ZNF569: variants seen among roughly 807,000 people sequenced by gnomAD.
ZNF569 encodes DNA-binding protein.
A neutral mutation model predicts 56.3 loss-of-function variants in ZNF569; 38 were observed. The ratio of observed to expected loss-of-function variants is 0.68; its 90% CI spans 0.52 to 0.88. ZNF569 has a LOEUF of 0.88. ZNF569 is among the 40% of genes least tolerant of loss of function. The pLI is 0.00. For synonymous variants in ZNF569, 241 were observed against 262.9 expected (o/e 0.92, Z 0.81); for missense variants, 666 against 809.2 (o/e 0.82, Z 2.15).
At chr19:37,423,649 CAT>C (rs1301227782) in intron 5 of ZNF569, among the ~76,000 whole-genome samples, 3 of 152,096 alleles carry the variant, frequency 2.0e-5, no homozygotes, top group African/African-American at 7.2e-5. Context: ...ACAAGAAAAA[CAT>C]ATGACAGATG....
Position 37,418,413 on chromosome 19 carries a change from T to C in ZNF569, c.239-3994A>G, listed in dbSNP as rs2040973220. On this transcript the variant is annotated intron_variant, in intron 5 of 5. Transcript: ENST00000316950. ...GATTCTATCCAAAAGTGCACAAATA[T>C]GGTATCATTTAAAAGGCATAAACCA... Among the ~76,000 whole-genome samples, 3 of 152,110 alleles carry C rather than the reference T, an allele frequency of 2.0e-5. No homozygotes were observed. The East Asian group carries it at 5.8e-4, about 29-fold the overall frequency.
At chr19:37,433,558 C>G (rs1424407302) in intron 3 of ZNF569, among the ~76,000 whole-genome samples, 2 of 152,116 alleles carry the variant, frequency 1.3e-5, no homozygotes, top group African/African-American at 4.8e-5. Flanking sequence ...ACTTAATAAT[C>G]AAACTCCTAA....
At chr19:37,448,784 C>A (rs2041543631) in intron 2 of ZNF569, among the ~76,000 whole-genome samples, 1 of 151,910 alleles carries the variant, frequency 6.6e-6, no homozygotes, top group Non-Finnish European at 1.5e-5. Flanking sequence ...AGGATGGTCT[C>A]GATCTCCTGA....
intron 5 of ZNF569, among the ~76,000 whole-genome samples, chr19:37,416,447 A>G (rs1341665973): frequency 1.3e-5 from 2 of 152,138 alleles, no homozygotes; most frequent in Admixed American, 6.5e-5. Flanking sequence ...CTCATTATCT[A>G]TTGGGGACTG....
At chr19:37,423,475 TGA>T (rs1194225202) in intron 5 of ZNF569, among the ~76,000 whole-genome samples, 1 of 152,168 alleles carries the variant, frequency 6.6e-6, no homozygotes, top group African/African-American at 2.4e-5. Flanking sequence ...CATAAGAGGA[TGA>T]GTCATTATTG....
intron 3 of ZNF569, among the ~76,000 whole-genome samples, chr19:37,433,644 T>C (rs1407995885): frequency 6.6e-6 from 1 of 152,170 alleles, no homozygotes; most frequent in Non-Finnish European, 1.5e-5. Flanking sequence ...AGCTCCAATA[T>C]GTCTGGCAGC....
At chr19:37,434,684 A>T (rs1203554858) in intron 3 of ZNF569, among the ~76,000 whole-genome samples, 1 of 152,230 alleles carries the variant, frequency 6.6e-6, no homozygotes, top group East Asian at 1.9e-4. Flanking sequence ...AAAGAAGTGA[A>T]AATAGCCTTA....
intron 2 of ZNF569, among the ~76,000 whole-genome samples, chr19:37,461,932 C>T (rs751730617): frequency 4.6e-5 from 7 of 152,200 alleles, no homozygotes; most frequent in Non-Finnish European, 8.8e-5. Context: ...CACAGCTACA[C>T]AGAATAGGCT....
chr19:37,426,572 G>A (rs2041137142), intron 3 of ZNF569, among the ~76,000 whole-genome samples, 194 bp from the exon 4 acceptor site: 1 of 152,162 alleles, frequency 6.6e-6, no homozygotes, highest in Non-Finnish European at 1.5e-5. Flanking sequence ...TTAAAGGGGA[G>A]ATTTTAGGTA....
At chr19:37,459,249 C>T (rs935128024) in intron 2 of ZNF569, among the ~76,000 whole-genome samples, 1 of 151,394 alleles carries the variant, frequency 6.6e-6, no homozygotes, top group South Asian at 2.1e-4. Flanking sequence ...AAAAACCACA[C>T]GTGTATATCA....
At chr19:37,461,191 ATATCGCCATTT>A (rs2041751299) in intron 2 of ZNF569, among the ~76,000 whole-genome samples, 3 of 152,164 alleles carry the variant, frequency 2.0e-5, no homozygotes, top group Non-Finnish European at 2.9e-5. Context: ...CAGAATTAGA[ATATCGCCATTT>A]TGTAGCCCTT....
At chr19:37,434,286 C>T (rs1185431608) in intron 3 of ZNF569, among the ~76,000 whole-genome samples, 30 of 140,966 alleles carry the variant, frequency 2.1e-4, no homozygotes, top group Non-Finnish European at 4.1e-4. Flanking sequence ...GTGACAAGAG[C>T]GAGACTCTGT....
chr19:37,444,398 TA>T (rs1218694105), intron 3 of ZNF569, among the ~76,000 whole-genome samples: 1 of 152,234 alleles, frequency 6.6e-6, no homozygotes, highest in Non-Finnish European at 1.5e-5. Flanking sequence ...TTTTTATTGT[TA>T]AGTAGTATTT....
upstream of ZNF569, chr19:37,468,014 TG>T: frequency 7.5e-7 from 1 of 1,330,494 alleles, no homozygotes; most frequent in Non-Finnish European, 1.0e-6. Flanking sequence ...TAAACAGACT[TG>T]GCCTTACTAG....
At chr19:37,454,908 T>A (rs2041649827) in intron 2 of ZNF569, 1 of 701,456 alleles carries the variant, frequency 1.4e-6, no homozygotes. Context: ...GCTGGCATCT[T>A]TCTTTCCCCA....
chr19:37,421,576 A>G (rs2041036155), intron 5 of ZNF569, among the ~76,000 whole-genome samples: 1 of 152,034 alleles, frequency 6.6e-6, no homozygotes, highest in Non-Finnish European at 1.5e-5. Flanking sequence ...CTAAGCCTTC[A>G]TAGAATTGAA....
intron 3 of ZNF569, among the ~76,000 whole-genome samples, chr19:37,436,554 A>T (rs888949906): frequency 9.9e-5 from 15 of 151,944 alleles, no homozygotes; most frequent in Non-Finnish European, 2.1e-4. Flanking sequence ...TCAGTTTTTT[A>T]AAAAAATGAA....
At chr19:37,446,946 A>T (rs773537610) in intron 2 of ZNF569, among the ~76,000 whole-genome samples, 2 of 152,220 alleles carry the variant, frequency 1.3e-5, no homozygotes, top group Non-Finnish European at 2.9e-5. Flanking sequence ...GGGCTAGGAC[A>T]TGAATAGACA....
intron 2 of ZNF569, among the ~76,000 whole-genome samples, chr19:37,456,769 T>C (rs185785056): frequency 2.0e-5 from 3 of 151,992 alleles, no homozygotes; most frequent in East Asian, 1.9e-4. Context: ...GAGTTCGAGA[T>C]TGGCCTCGCC....
Sources: gnomAD v4.1 joint callset for allele counts (sites outside exome capture counted in the v4.1 genomes callset) on GRCh38, gnomAD v4.1.1 for gene constraint, MANE v1.5 for transcripts, NCBI Gene and HGNC (gene_info 2026-07-23, HGNC 2026-07-21) for gene names.